The following CA10 variants were observed in gnomAD, a reference collection of about 807,000 sequenced individuals.
CA10 encodes the protein carbonic anhydrase 10 (inactive).
In CA10, 14 loss-of-function variants were observed where a neutral mutation model predicts 44.2. The observed-to-expected ratio is 0.32, with a 90% confidence interval of 0.21 to 0.50. CA10 has a LOEUF of 0.50. CA10 is among the 20% of genes least tolerant of loss of function. CA10 has a pLI of 0.99. For synonymous variants in CA10, 159 were observed against 141.6 expected, an observed-to-expected ratio of 1.12 and a Z score of -0.87; for missense variants, 350 against 409.7, an observed-to-expected ratio of 0.85 and a Z score of 1.26.
intron 3 of CA10, among the ~76,000 whole-genome samples, chr17:51,849,168 TATATATAC>T (rs1978639711): frequency 9.7e-6 from 1 of 102,964 alleles, no homozygotes; most frequent in Non-Finnish European, 2.1e-5. Context: ...TATATGTATA[TATATATAC>T]ATATATGTAT....
intron 3 of CA10, among the ~76,000 whole-genome samples, chr17:51,858,666 T>C (rs896998245): frequency 2.0e-5 from 3 of 152,222 alleles, no homozygotes; most frequent in Non-Finnish European, 2.9e-5. Flanking sequence ...CAGGAAGTTA[T>C]TAAAACACTT....
intron 1 of CA10, among the ~76,000 whole-genome samples, chr17:52,106,265 G>A (rs1016134057): frequency 3.9e-5 from 6 of 152,184 alleles, no homozygotes; most frequent in African/African-American, 1.2e-4. Context: ...CATTCATTCC[G>A]TTTCCAAATG....
chr17:51,717,666 C>CATGTATAT (rs1184876938), intron 4 of CA10, among the ~76,000 whole-genome samples: 1 of 70,322 alleles, frequency 1.4e-5, no homozygotes, highest in African/African-American at 4.8e-5. Context: ...CGTATATATA[C>CATGTATAT]ATGTATATAT....
chr17:52,066,931 T>C (rs552922980), intron 2 of CA10, among the ~76,000 whole-genome samples: 2 of 152,324 alleles, frequency 1.3e-5, no homozygotes, highest in South Asian at 4.1e-4. Context: ...TTCAATTTTA[T>C]ACATTCATAA....
chr17:51,927,468 C>T (rs1474538872), intron 3 of CA10, among the ~76,000 whole-genome samples: 12 of 152,082 alleles, frequency 7.9e-5, no homozygotes, highest in Non-Finnish European at 1.3e-4. Context: ...GCTAAACTCA[C>T]GACCTTTCAA....
intron 4 of CA10, among the ~76,000 whole-genome samples, chr17:51,715,713 C>T (rs752826063): frequency 6.6e-6 from 1 of 151,230 alleles, no homozygotes; most frequent in African/African-American, 2.4e-5. Flanking sequence ...TTTTTTCAGA[C>T]GGAGTCTCGC....
In CA10 at chr17:52,095,216, G is replaced by A. The variant is rs938613315; in HGVS notation, c.62-22823C>T. On this transcript the variant is annotated intron_variant, in intron 1 of 8. Transcript: ENST00000451037. The stretch of plus-strand genomic sequence containing the variant: ...GAGTGAAAGAAGCCAGACACAAAGA[G>A]TACATTCTGCATGATGTTATTTATA... Among the ~76,000 whole-genome samples, 4 of 152,222 alleles carry A rather than the reference G, an allele frequency of 2.6e-5. No homozygotes were observed. In the South Asian group the frequency reaches 8.3e-4, roughly 32 times the overall value.
chr17:51,744,035 C>T (rs1269860554), intron 4 of CA10, among the ~76,000 whole-genome samples: 1 of 152,104 alleles, frequency 6.6e-6, no homozygotes, highest in Non-Finnish European at 1.5e-5. Context: ...ATAAGAAAAT[C>T]ATGGATTGGT....
chr17:51,983,242 A>C (rs1984713618), intron 2 of CA10, among the ~76,000 whole-genome samples: 1 of 151,854 alleles, frequency 6.6e-6, no homozygotes, highest in Non-Finnish European at 1.5e-5. Context: ...AGCAAACCTG[A>C]ACACTTTTCA....
intron 3 of CA10, among the ~76,000 whole-genome samples, chr17:51,848,837 AG>A (rs1179128270): frequency 6.6e-6 from 1 of 152,134 alleles, no homozygotes; most frequent in Non-Finnish European, 1.5e-5. Context: ...ACTTGAGTCC[AG>A]GAGTTCTTGA....
At chr17:52,071,668 C>CT (rs896696760) in intron 2 of CA10, among the ~76,000 whole-genome samples, 4 of 152,130 alleles carry the variant, frequency 2.6e-5, no homozygotes, top group Non-Finnish European at 5.9e-5. Context: ...GCCTTCCCTT[C>CT]TATCCTTGCC....
intron 2 of CA10, among the ~76,000 whole-genome samples, chr17:52,065,019 T>C (rs1987495378): frequency 6.6e-6 from 1 of 152,222 alleles, no homozygotes. Context: ...CAAGGCCCTC[T>C]ATGAGCTGGC....
intron 4 of CA10, among the ~76,000 whole-genome samples, chr17:51,665,601 A>G (rs906215743): frequency 6.6e-6 from 1 of 152,226 alleles, no homozygotes; most frequent in Non-Finnish European, 1.5e-5. Flanking sequence ...TGTGAACATC[A>G]TAGAGTGTAC....
At chr17:51,906,287 C>A (rs556921767) in intron 3 of CA10, among the ~76,000 whole-genome samples, 1 of 152,056 alleles carries the variant, frequency 6.6e-6, no homozygotes. Context: ...TTTTTCCCCC[C>A]GGTATTCCAC....
chr17:52,078,385 CA>C (rs1047390726), intron 1 of CA10, among the ~76,000 whole-genome samples: 2 of 152,176 alleles, frequency 1.3e-5, no homozygotes, highest in African/African-American at 4.8e-5. Context: ...ACATACATTG[CA>C]AAAATAAGCT....
At chr17:52,095,867 G>A (rs1362864631) in intron 1 of CA10, among the ~76,000 whole-genome samples, 1 of 152,162 alleles carries the variant, frequency 6.6e-6, no homozygotes, top group Non-Finnish European at 1.5e-5. Context: ...ATGTAGGTAA[G>A]GATATAACAT....
At chr17:52,032,783 G>T (rs2144176142) in intron 2 of CA10, among the ~76,000 whole-genome samples, 1 of 152,220 alleles carries the variant, frequency 6.6e-6, no homozygotes, top group Middle Eastern at 3.4e-3. Flanking sequence ...AGATTTGCCA[G>T]GGAGAAAAAT....
intron 3 of CA10, among the ~76,000 whole-genome samples, chr17:51,924,306 C>G (rs1982341151): frequency 6.6e-6 from 1 of 152,090 alleles, no homozygotes; most frequent in African/African-American, 2.4e-5. Context: ...TTAAAGTTTA[C>G]ACTCTCACTG....
At position 51,716,015 on chromosome 17, in the gene CA10, T is replaced by C. The variant is rs1598004746; in HGVS notation, c.465+31618A>G. Among the ~76,000 whole-genome samples, 5 of 152,264 alleles carry C rather than the reference T, an allele frequency of 3.3e-5. No individual in the cohort carries two copies. The South Asian group carries it at 8.3e-4, about 25-fold the overall frequency. ...CTCATTCTTTCTAATTATTATTTTT[T>C]GAACCCATTAACAATTCCCACCTCC... On this transcript the variant is annotated intron_variant, in intron 4 of 8. Transcript: ENST00000451037.
Sources: allele counts gnomAD v4.1 joint callset (sites outside exome capture counted in the v4.1 genomes callset), GRCh38; gene constraint gnomAD v4.1.1; transcripts MANE v1.5; gene names NCBI Gene and HGNC (gene_info 2026-07-23, HGNC 2026-07-21).